ATRNL1: variants seen among roughly 807,000 people sequenced by gnomAD.
ATRNL1 encodes the protein attractin-like protein 1.
ATRNL1 carries 95 observed loss-of-function variants against 182.7 expected under a neutral mutation model. The observed-to-expected ratio is 0.52, with a 90% CI of 0.44 to 0.62. ATRNL1 has a LOEUF of 0.62. ATRNL1 is among the 20% of genes least tolerant of loss of function. The pLI is 0.00. For synonymous variants in ATRNL1, 576 were observed against 568.3 expected, an observed-to-expected ratio of 1.01 and a Z score of -0.19; for missense variants, 1,471 against 1,679.5, an observed-to-expected ratio of 0.88 and a Z score of 2.17.
chr10:115,253,464 G>GT (rs142309450), intron 10 of ATRNL1, among the ~76,000 whole-genome samples: 1,738 of 151,616 alleles, frequency 0.011, 30 homozygotes, highest in African/African-American at 0.039. Flanking sequence ...CAGACAACAA[G>GT]TTTTTTTTTG....
At chr10:115,152,374 G>A (rs1195660157) in intron 5 of ATRNL1, among the ~76,000 whole-genome samples, 5 of 152,054 alleles carry the variant, frequency 3.3e-5, no homozygotes, top group African/African-American at 9.7e-5. Context: ...ATTTGTTTGT[G>A]TCCTCTTTTA....
At chr10:115,541,911 C>G (rs563296654) in intron 25 of ATRNL1, among the ~76,000 whole-genome samples, 95 of 152,222 alleles carry the variant, frequency 6.2e-4, no homozygotes, top group African/African-American at 2.2e-3. Flanking sequence ...GAGCTATATA[C>G]TTAGGGTTTC....
chr10:115,647,739 G>A (rs186215343), intron 26 of ATRNL1, among the ~76,000 whole-genome samples: 26 of 151,978 alleles, frequency 1.7e-4, no homozygotes, highest in African/African-American at 3.4e-4. Context: ...ATTTTCTCCC[G>A]TTCTGTAGGT....
In ATRNL1 at chr10:115,397,113, A is replaced by G. The variant is rs367662154; in HGVS notation, c.3269+2361A>G. Among the ~76,000 whole-genome samples, 8 of 152,006 alleles carry G rather than the reference A, an allele frequency of 5.3e-5. No homozygotes were observed. In the East Asian group the frequency reaches 1.5e-3, roughly 29 times the overall value. On this transcript the variant is annotated intron_variant, in intron 20 of 28. Coordinates refer to ENST00000355044, the MANE Select transcript of ATRNL1 (RefSeq NM_207303.4). The stretch of plus-strand genomic sequence containing the variant: ...ATTATTTTTAGAGCAATTAATTGCT[A>G]TAATCTGCTTATACCTGAAAAAAAT...
intron 28 of ATRNL1, among the ~76,000 whole-genome samples, chr10:115,906,712 C>T (rs1952513481): frequency 6.6e-6 from 1 of 152,142 alleles, no homozygotes; most frequent in Admixed American, 6.5e-5. Context: ...GGTTCCAGTA[C>T]ATGCCTCCCC....
intron 26 of ATRNL1, among the ~76,000 whole-genome samples, chr10:115,652,572 A>G (rs1217746785): frequency 6.6e-6 from 1 of 152,126 alleles, no homozygotes; most frequent in Non-Finnish European, 1.5e-5. Flanking sequence ...AGAAATGGAC[A>G]TATTAATAAC....
chr10:115,656,062 C>T (rs2133891816), intron 26 of ATRNL1, among the ~76,000 whole-genome samples: 1 of 152,294 alleles, frequency 6.6e-6, no homozygotes, highest in South Asian at 2.1e-4. Flanking sequence ...AGCACCTCTA[C>T]TCTTTGGTAT....
chr10:115,372,484 GT>G (rs1857449939), intron 19 of ATRNL1, among the ~76,000 whole-genome samples: 1 of 152,024 alleles, frequency 6.6e-6, no homozygotes, highest in Admixed American at 6.5e-5. Context: ...GGCTTCCTAT[GT>G]TTTTCTCTAA....
chr10:115,726,338 A>G (rs1327229962), intron 26 of ATRNL1, among the ~76,000 whole-genome samples: 1 of 152,136 alleles, frequency 6.6e-6, no homozygotes, highest in Non-Finnish European at 1.5e-5. Context: ...CAATAATACA[A>G]TTTTCTTCTC....
chr10:115,274,351 A>G (rs1193860959), intron 13 of ATRNL1, among the ~76,000 whole-genome samples: 2 of 152,174 alleles, frequency 1.3e-5, no homozygotes, highest in Non-Finnish European at 2.9e-5. Flanking sequence ...CCAAAATCCA[A>G]AGAGGCCTAT....
At chr10:115,161,801 T>A (rs1027380139) in intron 6 of ATRNL1, among the ~76,000 whole-genome samples, 1 of 152,096 alleles carries the variant, frequency 6.6e-6, no homozygotes. Context: ...GAGAATACTT[T>A]TCATCATTCT....
Position 115,268,433 on chromosome 10 carries a change from A to G in ATRNL1, c.2089A>G (p.Asn697Asp). The G allele has an allele frequency of 6.2e-7, 1 of 1,604,400 alleles. No individual in the cohort carries two copies. The highest frequency in any genetic ancestry group is 8.5e-7 in the Non-Finnish European group (1 of 1,171,264). The change falls in exon 13 of 29, where the codon AAC becomes GAC. Residue 697 changes from asparagine (N) to aspartate (D), a missense_variant. Around this residue, in one of 3 missense-constraint regions of ATRNL1, gnomAD observed 1,031 missense variants for 1,156.0 expected, o/e 0.89. Transcript: ENST00000355044. ...CAAGAAATGCATTTCGGCAAATAGT[A>G]ACTGCAGTATGGTTAGTATTTATGG... is the stretch of plus-strand genomic sequence containing the variant. The part of the protein sequence containing the change: ...DDKKCISANS[N>D]CSMSVKNYTK...
At chr10:115,266,429 G>C (rs565943277) in intron 11 of ATRNL1, among the ~76,000 whole-genome samples, 1 of 151,318 alleles carries the variant, frequency 6.6e-6, no homozygotes, top group African/African-American at 2.4e-5. Flanking sequence ...TTAAAACATT[G>C]TTTTCTATAT....
At chr10:115,578,327 A>C (rs1854855377) in intron 26 of ATRNL1, among the ~76,000 whole-genome samples, 1 of 151,810 alleles carries the variant, frequency 6.6e-6, no homozygotes, top group East Asian at 1.9e-4. Flanking sequence ...AGAATTACGG[A>C]TATTAATTCT....
At chr10:115,234,265 T>A (rs1410271071) in intron 9 of ATRNL1, among the ~76,000 whole-genome samples, 1 of 152,100 alleles carries the variant, frequency 6.6e-6, no homozygotes, top group African/African-American at 2.4e-5. Context: ...GTTATAAAGA[T>A]GTTAATATAT....
In ATRNL1 at chr10:115,165,456, AT is replaced by A. The variant is rs1266048432; in HGVS notation, c.1005-99del. The A allele has an allele frequency of 3.8e-5, 20 of 523,556 alleles. No individual in the cohort carries two copies. The East Asian group carries it at 5.8e-4, about 15-fold the overall frequency. The allele number at this position is 523,556 out of a possible 1,614,324, so 32.4% of individuals were successfully genotyped here. Reference sequence around the variant, plus strand: ...GTTTATTAGTTGTAACTCTTTTTGAATTTAATGAATACTTGGACACAAGTGA... The same window carrying A: ...GTTTATTAGTTGTAACTCTTTTTGAATTAATGAATACTTGGACACAAGTGA... On this transcript the variant is annotated intron_variant, in intron 6 of 28. Coordinates refer to ENST00000355044, the MANE Select transcript of ATRNL1 (RefSeq NM_207303.4).
At chr10:115,721,113 G>C (rs1003198707) in intron 26 of ATRNL1, among the ~76,000 whole-genome samples, 1 of 152,144 alleles carries the variant, frequency 6.6e-6, no homozygotes, top group African/African-American at 2.4e-5. Context: ...GTGATCTGCA[G>C]TTTGAGGAAT....
At chr10:115,678,996 TAGC>T (rs1441145656) in intron 26 of ATRNL1, among the ~76,000 whole-genome samples, 1 of 151,958 alleles carries the variant, frequency 6.6e-6, no homozygotes, top group Non-Finnish European at 1.5e-5. Context: ...ATGGGAAAAA[TAGC>T]AGGCACCATT....
At chr10:115,598,326 A>C (rs1450243373) in intron 26 of ATRNL1, among the ~76,000 whole-genome samples, 1 of 119,610 alleles carries the variant, frequency 8.4e-6, no homozygotes, top group Non-Finnish European at 1.9e-5. Context: ...AATTGAGAAC[A>C]TTTTACATTA....
Sources: allele counts gnomAD v4.1 joint callset (sites outside exome capture counted in the v4.1 genomes callset), GRCh38; gene constraint gnomAD v4.1.1; regional missense constraint gnomAD v4.1.1; transcripts MANE v1.5; gene names NCBI Gene and HGNC (gene_info 2026-07-23, HGNC 2026-07-21).